The following PCDH11X variants were observed in gnomAD, a reference collection of about 807,000 sequenced individuals.
The protein encoded by PCDH11X is protocadherin-11 X-linked.
PCDH11X carries 18 observed loss-of-function variants against 53.3 expected under a neutral mutation model. The ratio of observed to expected loss-of-function variants is 0.34; its 90% CI spans 0.23 to 0.50. The LOEUF (loss-of-function observed/expected upper bound fraction) is 0.50, where lower values mean the gene tolerates loss of function less well. Among genes scored for constraint, PCDH11X ranks in the 20% least tolerant of loss-of-function variants. The pLI is 0.98. For synonymous variants in PCDH11X, 279 were observed against 393.3 expected (o/e 0.71, Z 3.44); for missense variants, 570 against 1,032.4 (o/e 0.55, Z 6.14).
intron 9 of PCDH11X, among the ~76,000 whole-genome samples, chrX:92,391,350 C>T (rs1332542316): frequency 9.1e-6 from 1 of 109,454 alleles, no homozygotes; most frequent in Non-Finnish European, 1.9e-5. Context: ...TTCATGGAGA[C>T]ACATGTGGCC....
rs12559026 is a variant in PCDH11X at position 92,619,218 on chromosome X, C to T, written c.*278C>T. 38 of 381,622 alleles carry T rather than the reference C, an allele frequency of 1.0e-4. No individual in the cohort carries two copies. Among genetic ancestry groups the T allele is most frequent in the African/African-American group, 9.0e-4 (35 of 38,816 alleles). The allele number at this position is 381,622 out of a possible 1,213,427, so 31.4% of individuals were successfully genotyped here. ...GACAGAGCGCACTATTTCTGATGTA[C>T]AGTATTTTTTGTTGTTTTTATCATC... On this transcript the variant is annotated 3_prime_UTR_variant, in exon 11 of 11. Transcript: ENST00000682573.
chrX:92,233,768 A>G (rs1178191741), intron 7 of PCDH11X, among the ~76,000 whole-genome samples: 1 of 112,351 alleles, frequency 8.9e-6, no homozygotes, highest in African/African-American at 3.2e-5. Flanking sequence ...TTCAAACTTA[A>G]CTAATAAAGG....
intron 10 of PCDH11X, among the ~76,000 whole-genome samples, chrX:92,490,175 C>T (rs1452170626): frequency 2.9e-5 from 3 of 104,752 alleles, no homozygotes; most frequent in Non-Finnish European, 5.9e-5. Context: ...TAAGAACTTG[C>T]CCAAAAGAGA....
chrX:92,047,161 T>C (rs1402256029), intron 6 of PCDH11X, among the ~76,000 whole-genome samples: 3 of 78,961 alleles, frequency 3.8e-5, no homozygotes, highest in Non-Finnish European at 6.3e-5. Context: ...ACACACACTA[T>C]CTCCTTTGCA....
At chrX:91,780,367 TG>T (rs1305018403) in intron 1 of PCDH11X, among the ~76,000 whole-genome samples, 1 of 112,001 alleles carries the variant, frequency 8.9e-6, no homozygotes, top group Non-Finnish European at 1.9e-5. Context: ...ACCTGCTGGA[TG>T]TGGAGATGGT....
At chrX:92,402,345 G>A (rs2071404609) in intron 9 of PCDH11X, among the ~76,000 whole-genome samples, 1 of 111,703 alleles carries the variant, frequency 9.0e-6, no homozygotes, top group African/African-American at 3.3e-5. Flanking sequence ...ATCTTAAAAA[G>A]AACAAAGCAG....
At chrX:92,534,396 G>A (rs1380315868) in intron 10 of PCDH11X, among the ~76,000 whole-genome samples, 2 of 111,353 alleles carry the variant, frequency 1.8e-5, no homozygotes, top group African/African-American at 6.5e-5. Context: ...CAAGACATAT[G>A]GGACTATGTG....
At chrX:92,456,650 G>A (rs1176161996) in intron 9 of PCDH11X, among the ~76,000 whole-genome samples, 1 of 111,415 alleles carries the variant, frequency 9.0e-6, no homozygotes, top group Non-Finnish European at 1.9e-5. Context: ...CTTTTAACAT[G>A]TCTTTTGCAG....
At chrX:92,244,070 G>A (rs1387567267) in intron 7 of PCDH11X, among the ~76,000 whole-genome samples, 3 of 110,027 alleles carry the variant, frequency 2.7e-5, no homozygotes, top group Non-Finnish European at 5.7e-5. Flanking sequence ...GCCACAATTA[G>A]AATGAATATG....
chrX:92,103,513 C>T (rs1264076139), intron 6 of PCDH11X, among the ~76,000 whole-genome samples: 3 of 111,453 alleles, frequency 2.7e-5, no homozygotes, highest in Non-Finnish European at 3.8e-5. Context: ...AGTCTTCAGC[C>T]GGTAAGCCAA....
intron 10 of PCDH11X, among the ~76,000 whole-genome samples, chrX:92,580,848 C>G (rs1311700190): frequency 9.0e-6 from 1 of 111,217 alleles, no homozygotes; most frequent in African/African-American, 3.3e-5. Flanking sequence ...CTCACTGCCT[C>G]TCTTGGGTGG....
At chrX:92,481,497 A>G (rs1365533032) in intron 10 of PCDH11X, among the ~76,000 whole-genome samples, 2 of 109,776 alleles carry the variant, frequency 1.8e-5, no homozygotes, top group South Asian at 4.0e-4. Flanking sequence ...AGTGTGGTGC[A>G]GTCCACCAGT....
intron 9 of PCDH11X, among the ~76,000 whole-genome samples, chrX:92,425,335 A>T (rs2072082538): frequency 9.2e-6 from 1 of 109,032 alleles, no homozygotes; most frequent in South Asian, 4.0e-4. Flanking sequence ...TATTTGTCAG[A>T]TTATAGATGT....
chrX:92,378,303 A>G (rs969755529), intron 8 of PCDH11X, among the ~76,000 whole-genome samples: 17 of 109,044 alleles, frequency 1.6e-4, no homozygotes, highest in African/African-American at 5.7e-4. Context: ...GATTAAATAT[A>G]ATATTGTGGC....
chrX:92,038,724 G>A (rs886783514), intron 6 of PCDH11X, among the ~76,000 whole-genome samples: 14 of 107,620 alleles, frequency 1.3e-4, no homozygotes, highest in South Asian at 4.3e-4. Flanking sequence ...GCCATGTGTC[G>A]TGGGAGGAAC....
chrX:92,063,098 A>G (rs145873316), intron 6 of PCDH11X, among the ~76,000 whole-genome samples: 9,189 of 108,517 alleles, frequency 0.085, 882 homozygotes, highest in African/African-American at 0.27. Flanking sequence ...AAGAACAGAA[A>G]ACCAAACACC....
At chrX:92,137,300 C>A (rs1448227550) in intron 6 of PCDH11X, among the ~76,000 whole-genome samples, 1 of 111,127 alleles carries the variant, frequency 9.0e-6, no homozygotes, top group Non-Finnish European at 1.9e-5. Flanking sequence ...GAAACATAGT[C>A]TTTTTGTCCC....
At chrX:92,027,448 A>G (rs1176737296) in intron 6 of PCDH11X, among the ~76,000 whole-genome samples, 1 of 111,357 alleles carries the variant, frequency 9.0e-6, no homozygotes, top group Non-Finnish European at 1.9e-5. Flanking sequence ...AGGATAGGAG[A>G]TATGCAGAAC....
intron 10 of PCDH11X, among the ~76,000 whole-genome samples, chrX:92,573,094 A>G (rs1437670738): frequency 9.0e-6 from 1 of 111,264 alleles, no homozygotes; most frequent in African/African-American, 3.3e-5. Context: ...TGTCCTTACT[A>G]TCCCACAAGA....
Sources: allele counts gnomAD v4.1 joint callset (sites outside exome capture counted in the v4.1 genomes callset), GRCh38; gene constraint gnomAD v4.1.1; transcripts MANE v1.5; gene names NCBI Gene and HGNC (gene_info 2026-07-23, HGNC 2026-07-21).